Variants in ARHGAP44 observed in about 807,000 individuals in gnomAD.
ARHGAP44 encodes rho GTPase-activating protein 44.
ARHGAP44 carries 43 observed loss-of-function variants against 106.8 expected under a neutral mutation model. The observed-to-expected ratio is 0.40, with a 90% confidence interval of 0.32 to 0.52. The LOEUF (loss-of-function observed/expected upper bound fraction) is 0.52. Ranked by LOEUF, ARHGAP44 falls within the 20% of genes least tolerant of loss-of-function variation. ARHGAP44 has a pLI of 0.48. For synonymous variants in ARHGAP44, 439 were observed against 410.3 expected, an observed-to-expected ratio of 1.07 and a Z score of -0.85; for missense variants, 866 against 1,050.5, an observed-to-expected ratio of 0.82 and a Z score of 2.43.
chr17:12,836,573 A>G (rs1216182997), intron 1 of ARHGAP44, among the ~76,000 whole-genome samples: 3 of 152,040 alleles, frequency 2.0e-5, no homozygotes, highest in African/African-American at 4.8e-5. Flanking sequence ...GCTTGAACCC[A>G]GGAGACAGAG....
At chr17:12,946,705 G>A (rs2038860609) in intron 10 of ARHGAP44, among the ~76,000 whole-genome samples, 1 of 151,944 alleles carries the variant, frequency 6.6e-6, no homozygotes, top group East Asian at 1.9e-4. Context: ...GGAGGCTGAG[G>A]CAGGAGAATG....
At chr17:12,983,561 T>C (rs990955623) in intron 19 of ARHGAP44, among the ~76,000 whole-genome samples, 5 of 152,238 alleles carry the variant, frequency 3.3e-5, no homozygotes, top group South Asian at 4.1e-4. Flanking sequence ...TCCCAGCACT[T>C]TGGGAGGCCG....
At chr17:12,814,571 C>T (rs1479358768) in intron 1 of ARHGAP44, among the ~76,000 whole-genome samples, 3 of 151,912 alleles carry the variant, frequency 2.0e-5, no homozygotes, top group South Asian at 2.1e-4. Context: ...TTTCTGTACC[C>T]GGAGCAGATA....
rs9911170 is a variant in ARHGAP44, at chr17:12,932,004, C to T, written c.582+2958C>T. ...ATACTTATATGTATATCCTTATACC[C>T]TGGTAATTTTTTTTCTATAGGATAG... is the stretch of plus-strand genomic sequence containing the variant. On this transcript the variant is annotated intron_variant, in intron 7 of 20. Coordinates refer to ENST00000379672, the MANE Select transcript of ARHGAP44 (RefSeq NM_014859.6). Among the ~76,000 whole-genome samples, 285 of 152,060 alleles carry T rather than the reference C, an allele frequency of 1.9e-3. 1 individual carries two copies. The highest frequency in any genetic ancestry group is 6.5e-3 in the African/African-American group (270 of 41,440).
chr17:12,889,449 T>C (rs1286515501), intron 1 of ARHGAP44, among the ~76,000 whole-genome samples: 2 of 152,128 alleles, frequency 1.3e-5, no homozygotes, highest in African/African-American at 4.8e-5. Flanking sequence ...CCTTGTCCTT[T>C]TATAAGAAAC....
In ARHGAP44 at chr17:12,943,635, G is replaced by A; in HGVS notation, c.699G>A (p.Leu233=). 6.2e-7 allele frequency: 1 copy of A among 1,613,900 alleles called. No individual in the cohort carries two copies. The highest frequency in any genetic ancestry group is 8.5e-7 in the Non-Finnish European group (1 of 1,179,864). ...AEYHRKSLTL[L]QAVLPQIKAQ... is the part of the protein sequence containing the mutation. ...ACCACAGGAAGTCCCTGACACTATT[G>A]CAGGCTGTATTGCCTCAGATCAAAG... The change falls in exon 9 of 21, where the codon TTG becomes TTA. Residue 233 remains leucine, a synonymous_variant. Transcript: ENST00000379672.
chr17:12,800,796 G>A (rs543770853), intron 1 of ARHGAP44, among the ~76,000 whole-genome samples: 2 of 152,282 alleles, frequency 1.3e-5, no homozygotes, highest in Admixed American at 6.5e-5. Flanking sequence ...TTGAACCAGG[G>A]CCTAAGTAGG....
intron 1 of ARHGAP44, among the ~76,000 whole-genome samples, chr17:12,842,446 AAAAG>A (rs2035445838): frequency 7.9e-6 from 1 of 126,094 alleles, no homozygotes; most frequent in African/African-American, 4.8e-5. Context: ...AAGAAAAAAG[AAAAG>A]AAAAGAAAAA....
intron 18 of ARHGAP44, among the ~76,000 whole-genome samples, chr17:12,976,088 C>G (rs1043878777): frequency 1.3e-5 from 2 of 152,136 alleles, no homozygotes; most frequent in Non-Finnish European, 2.9e-5. Flanking sequence ...GCCACCGTGT[C>G]TCCTGTTAGA....
chr17:12,891,666 T>G (rs2037048667), intron 1 of ARHGAP44, among the ~76,000 whole-genome samples: 1 of 152,226 alleles, frequency 6.6e-6, no homozygotes, highest in Non-Finnish European at 1.5e-5. Flanking sequence ...GGAGTATAGT[T>G]GAGATGGCTC....
At chr17:12,978,007 C>T (rs1434913737) in intron 18 of ARHGAP44, among the ~76,000 whole-genome samples, 1 of 111,004 alleles carries the variant, frequency 9.0e-6, no homozygotes, top group African/African-American at 3.5e-5. Context: ...CACTATACTC[C>T]AGCTGGGCAA....
intron 4 of ARHGAP44, 88 bp from the exon 5 acceptor site, chr17:12,915,812 C>T: frequency 8.6e-7 from 1 of 1,159,508 alleles, no homozygotes; most frequent in Non-Finnish European, 1.2e-6. Flanking sequence ...TGAAAGTTTA[C>T]AAGTGAGCCA....
chr17:12,952,722 C>CTTTTTTTTTTTTTTTTTTTTT (rs201371135), intron 13 of ARHGAP44, 141 bp downstream of exon 13: 1 of 286,330 alleles, frequency 3.5e-6, no homozygotes. Flanking sequence ...TGCATGGTCT[C>CTTTTTTTTTTTTTTTTTTTTT]TTTTTTTTTT....
At chr17:12,823,294 G>T (rs1023595515) in intron 1 of ARHGAP44, among the ~76,000 whole-genome samples, 1 of 152,270 alleles carries the variant, frequency 6.6e-6, no homozygotes, top group African/African-American at 2.4e-5. Flanking sequence ...CTCAACTTAA[G>T]TGAGCCCCAA....
At position 12,955,000 on chromosome 17, in the gene ARHGAP44, G is replaced by T. The variant is rs376977747; in HGVS notation, c.1137-867G>T. 2.6e-5 allele frequency among the ~76,000 whole-genome samples: 4 copies of T among 152,050 alleles called. No individual in the cohort carries two copies. The South Asian group carries it at 6.2e-4, about 24-fold the overall frequency. ...TACCCCAAAAAAGAAATCCCCTTCC[G>T]ATAAGCACTCCTTATTTTCCCCAAC... On this transcript the variant is annotated intron_variant, in intron 13 of 20. Transcript: ENST00000379672.
At chr17:12,868,591 T>TATATATATATATATA (rs2036305530) in intron 1 of ARHGAP44, among the ~76,000 whole-genome samples, 4 of 47,156 alleles carry the variant, frequency 8.5e-5, no homozygotes, top group African/African-American at 1.3e-4. Context: ...TATATGCATT[T>TATATATATATATATA]TATATATATA....
chr17:12,883,390 G>A (rs988469998), intron 1 of ARHGAP44, among the ~76,000 whole-genome samples: 1 of 149,190 alleles, frequency 6.7e-6, no homozygotes, highest in Non-Finnish European at 1.5e-5. Context: ...TTTTTTTATT[G>A]TTTTTTCTTC....
chr17:12,876,680 T>C (rs2036565293), intron 1 of ARHGAP44, among the ~76,000 whole-genome samples: 1 of 151,768 alleles, frequency 6.6e-6, no homozygotes, highest in Admixed American at 6.6e-5. Context: ...TTTGGGAGGC[T>C]GAGGTGGGCG....
chr17:12,794,652 G>A (rs372154638), intron 1 of ARHGAP44, among the ~76,000 whole-genome samples: 1 of 152,152 alleles, frequency 6.6e-6, no homozygotes, highest in Non-Finnish European at 1.5e-5. Flanking sequence ...GAGTTGGGGA[G>A]TGAAGACAAA....
Sources: allele counts gnomAD v4.1 joint callset (sites outside exome capture counted in the v4.1 genomes callset), GRCh38; gene constraint gnomAD v4.1.1; transcripts MANE v1.5; gene names NCBI Gene and HGNC (gene_info 2026-07-23, HGNC 2026-07-21).